ANKS1B: variants seen among roughly 807,000 people sequenced by gnomAD.
ANKS1B encodes ankyrin repeat and sterile alpha motif domain containing 1B.
ANKS1B carries 36 observed loss-of-function variants against 148.3 expected under a neutral mutation model. The ratio of observed to expected loss-of-function variants is 0.24; its 90% CI spans 0.19 to 0.32. ANKS1B has a LOEUF of 0.32. Among genes scored for constraint, ANKS1B ranks in the 10% least tolerant of loss-of-function variants. The pLI is 1.00. For synonymous variants in ANKS1B, 542 were observed against 560.8 expected (o/e 0.97, Z 0.47); for missense variants, 1,157 against 1,542.6 (o/e 0.75, Z 4.19).
intron 16 of ANKS1B, among the ~76,000 whole-genome samples, chr12:99,084,089 C>G (rs2050767603): frequency 6.6e-6 from 1 of 152,138 alleles, no homozygotes; most frequent in Non-Finnish European, 1.5e-5. Flanking sequence ...TGCATCTGGA[C>G]TAGGAGGGCC....
At chr12:99,688,565 T>G (rs965864680) in intron 8 of ANKS1B, among the ~76,000 whole-genome samples, 4 of 152,246 alleles carry the variant, frequency 2.6e-5, no homozygotes, top group Admixed American at 1.3e-4. Flanking sequence ...CACCAAGGAC[T>G]GTGTCTCAAG....
chr12:99,585,630 C>G (rs900945528), intron 9 of ANKS1B, among the ~76,000 whole-genome samples: 3 of 152,200 alleles, frequency 2.0e-5, no homozygotes, highest in African/African-American at 7.2e-5. Context: ...CTTGTGCCTG[C>G]AGCAAACTTC....
At chr12:98,862,667 A>G (rs1180738201) in intron 17 of ANKS1B, among the ~76,000 whole-genome samples, 1 of 152,158 alleles carries the variant, frequency 6.6e-6, no homozygotes, top group Non-Finnish European at 1.5e-5. Flanking sequence ...ATGCATTCAT[A>G]TGAACCAGTG....
At chr12:99,672,923 TAAGAA>T (rs934780111) in intron 8 of ANKS1B, among the ~76,000 whole-genome samples, 10 of 151,986 alleles carry the variant, frequency 6.6e-5, no homozygotes, top group African/African-American at 2.2e-4. Flanking sequence ...CTGGTTGAAA[TAAGAA>T]AAGAATACAT....
At chr12:99,636,702 C>T (rs1315678397) in intron 9 of ANKS1B, among the ~76,000 whole-genome samples, 1 of 152,144 alleles carries the variant, frequency 6.6e-6, no homozygotes, top group Non-Finnish European at 1.5e-5. Flanking sequence ...TGTTCAACCT[C>T]AACTGGGACT....
chr12:99,643,607 T>C (rs1158215570), intron 9 of ANKS1B, among the ~76,000 whole-genome samples: 1 of 152,248 alleles, frequency 6.6e-6, no homozygotes, highest in African/African-American at 2.4e-5. Context: ...AGTAGTTTCA[T>C]AAGCCTATTT....
intron 15 of ANKS1B, among the ~76,000 whole-genome samples, chr12:99,150,746 A>G (rs1403488698): frequency 6.6e-6 from 1 of 152,104 alleles, no homozygotes; most frequent in Non-Finnish European, 1.5e-5. Context: ...GTCGAAACTT[A>G]GACACATTCT....
intron 9 of ANKS1B, among the ~76,000 whole-genome samples, chr12:99,555,835 C>CTAGTATT (rs1172155369): frequency 6.6e-6 from 1 of 152,078 alleles, no homozygotes; most frequent in Admixed American, 6.6e-5. Flanking sequence ...ATTTGGTTTT[C>CTAGTATT]TAGTATTTTG....
At chr12:99,846,243 T>C (rs1315402203) in intron 1 of ANKS1B, among the ~76,000 whole-genome samples, 1 of 152,158 alleles carries the variant, frequency 6.6e-6, no homozygotes, top group Non-Finnish European at 1.5e-5. Flanking sequence ...AAATTGTATG[T>C]AATGTTTTTA....
intron 17 of ANKS1B, among the ~76,000 whole-genome samples, chr12:99,009,869 A>C (rs1405127887): frequency 2.0e-5 from 3 of 151,896 alleles, no homozygotes; most frequent in Non-Finnish European, 2.9e-5. Flanking sequence ...CAAAAAACCC[A>C]AAAACTGAGT....
At chr12:99,111,024 G>A (rs1023424677) in intron 15 of ANKS1B, among the ~76,000 whole-genome samples, 8 of 152,078 alleles carry the variant, frequency 5.3e-5, no homozygotes, top group African/African-American at 1.4e-4. Flanking sequence ...ACACTGCATC[G>A]AAGCTATCTG....
chr12:99,571,897 T>A (rs2097459548), intron 9 of ANKS1B, among the ~76,000 whole-genome samples: 1 of 152,164 alleles, frequency 6.6e-6, no homozygotes. Context: ...CAAAGTATTT[T>A]ACCTGACTCT....
chr12:99,608,189 C>T (rs111976575), intron 9 of ANKS1B, among the ~76,000 whole-genome samples: 4 of 152,160 alleles, frequency 2.6e-5, no homozygotes, highest in Non-Finnish European at 5.9e-5. Flanking sequence ...TGTCAATTAG[C>T]CCATTTTGTG....
intron 17 of ANKS1B, among the ~76,000 whole-genome samples, chr12:98,891,177 T>A (rs201417): frequency 0.46 from 69,951 of 152,042 alleles, 16,363 homozygotes; most frequent in African/African-American, 0.53. Flanking sequence ...AGATTAGAAC[T>A]TGCACTTTTG....
At chr12:98,851,153 A>G (rs1326133463) in intron 17 of ANKS1B, among the ~76,000 whole-genome samples, 1 of 152,200 alleles carries the variant, frequency 6.6e-6, no homozygotes, top group Non-Finnish European at 1.5e-5. Flanking sequence ...TTCAGCAAAT[A>G]CACATTGAGG....
chr12:99,437,566 C>T lies in ANKS1B; in HGVS notation c.1575+6107G>A, dbSNP rs148521277. 5.4e-3 allele frequency among the ~76,000 whole-genome samples: 813 copies of T among 151,952 alleles called. 7 individuals are homozygous for T. Among genetic ancestry groups the T allele is most frequent in the African/African-American group, 0.019 (777 of 41,482 alleles). ...CTTCTATTTTAGACTTGATTTCTAT[C>T]ATGAAACAGGGAAAGGAGTGTAAAA... On this transcript the variant is annotated intron_variant, in intron 11 of 26. Coordinates refer to ENST00000683438, the MANE Select transcript of ANKS1B (RefSeq NM_001352186.2).
intron 14 of ANKS1B, among the ~76,000 whole-genome samples, chr12:99,198,260 GTA>G (rs1225004142): frequency 1.3e-5 from 2 of 152,178 alleles, no homozygotes; most frequent in African/African-American, 2.4e-5. Flanking sequence ...ATTCCTCAAT[GTA>G]TATCACAGGT....
intron 1 of ANKS1B, among the ~76,000 whole-genome samples, chr12:99,939,619 G>A (rs963791904): frequency 6.6e-6 from 1 of 152,128 alleles, no homozygotes; most frequent in Non-Finnish European, 1.5e-5. Context: ...GAATGAAAGT[G>A]ATGTGTTAGC....
chr12:98,844,947 A>T (rs1024884081), intron 17 of ANKS1B, among the ~76,000 whole-genome samples: 1 of 152,248 alleles, frequency 6.6e-6, no homozygotes, highest in African/African-American at 2.4e-5. Flanking sequence ...AAAAAGATGC[A>T]ATTTAACAGG....
Sources: gnomAD v4.1 joint callset for allele counts (sites outside exome capture counted in the v4.1 genomes callset) on GRCh38, gnomAD v4.1.1 for gene constraint, MANE v1.5 for transcripts, NCBI Gene and HGNC (gene_info 2026-07-23, HGNC 2026-07-21) for gene names.